The following STARD3NL variants were observed in gnomAD, a reference collection of about 807,000 sequenced individuals.
STARD3NL encodes the protein STARD3 N-terminal-like protein.
In STARD3NL, 17 loss-of-function variants were observed where a neutral mutation model predicts 30.9. That is an observed-to-expected ratio of 0.55 (90% CI 0.38 to 0.82). STARD3NL has a LOEUF of 0.82. Ranked by LOEUF, STARD3NL falls within the 40% of genes least tolerant of loss-of-function variation. The pLI is 0.00. For synonymous variants in STARD3NL, 112 were observed against 100.5 expected, an observed-to-expected ratio of 1.11 and a Z score of -0.69; for missense variants, 234 against 277.6, an observed-to-expected ratio of 0.84 and a Z score of 1.12.
At chr7:38,186,741 T>TG (rs1331588671) in intron 1 of STARD3NL, among the ~76,000 whole-genome samples, 6 of 152,206 alleles carry the variant, frequency 3.9e-5, no homozygotes, top group Non-Finnish European at 8.8e-5. Context: ...AGGTGTACAG[T>TG]GGGCTCTACC....
chr7:38,205,906 G>A (rs1051882879), intron 1 of STARD3NL, among the ~76,000 whole-genome samples: 2 of 152,100 alleles, frequency 1.3e-5, no homozygotes, highest in Non-Finnish European at 2.9e-5. Flanking sequence ...TTTTTGCTTT[G>A]AAGGTCTGTA....
intron 4 of STARD3NL, 78 bp from the exon 5 acceptor site, chr7:38,216,947 G>T: frequency 6.5e-7 from 1 of 1,546,504 alleles, no homozygotes; most frequent in South Asian, 1.1e-5. Flanking sequence ...TGGCTCAGAC[G>T]GGTCTCTTGT....
intron 1 of STARD3NL, among the ~76,000 whole-genome samples, chr7:38,190,152 A>G (rs955911147): frequency 2.0e-5 from 3 of 152,152 alleles, no homozygotes; most frequent in African/African-American, 7.2e-5. Context: ...TTATACAATA[A>G]TGGGCAGATA....
intron 1 of STARD3NL, among the ~76,000 whole-genome samples, chr7:38,204,598 A>G (rs1054008524): frequency 1.3e-5 from 2 of 152,224 alleles, no homozygotes; most frequent in Non-Finnish European, 2.9e-5. Context: ...GAGCAAACAC[A>G]TTCAAAAGCT....
rs1396506155 is a variant in STARD3NL at position 38,217,009 on chromosome 7, A to C, written c.382-16A>C. ...AGATGCCTAGTGTGAACAGTGCTGG[A>C]TTATGTGTCTTGCAGTTGACAACGG... On this transcript the variant is annotated splice_polypyrimidine_tract_variant and intron_variant, in intron 4 of 8. Transcript: ENST00000009041. 1 of 1,613,830 alleles carries C rather than the reference A, an allele frequency of 6.2e-7. No homozygotes were observed. Among genetic ancestry groups the C allele is most frequent in the Non-Finnish European group, 8.5e-7 (1 of 1,179,918 alleles).
intron 1 of STARD3NL, among the ~76,000 whole-genome samples, chr7:38,189,248 G>C (rs1289557040): frequency 6.6e-6 from 1 of 152,130 alleles, no homozygotes; most frequent in Non-Finnish European, 1.5e-5. Flanking sequence ...TGGAAAATAT[G>C]ATGCCTAGAA....
chr7:38,184,453 C>T lies in STARD3NL; in HGVS notation c.-59+6033C>T, dbSNP rs575149718. On this transcript the variant is annotated intron_variant, in intron 1 of 8. Coordinates refer to ENST00000009041, the MANE Select transcript of STARD3NL (RefSeq NM_032016.4). ...GGTGAGGCCTCAGGAGGCTTACAGTCATGGCAGAAAAAAAAGCTGGAGCAG... is the reference window on the plus strand; with the variant it reads ...GGTGAGGCCTCAGGAGGCTTACAGTTATGGCAGAAAAAAAAGCTGGAGCAG... Among the ~76,000 whole-genome samples the T allele has an allele frequency of 7.9e-5, 12 of 151,514 alleles. No individual in the cohort carries two copies. The South Asian group carries it at 2.1e-3, about 26-fold the overall frequency.
intron 6 of STARD3NL, among the ~76,000 whole-genome samples, chr7:38,218,041 T>G (rs1220004379): frequency 6.6e-6 from 1 of 152,172 alleles, no homozygotes; most frequent in Non-Finnish European, 1.5e-5. Context: ...TGATTAAGCT[T>G]TATGGTAAAT....
At chr7:38,193,158 T>C (rs1350936325) in intron 1 of STARD3NL, among the ~76,000 whole-genome samples, 1 of 152,182 alleles carries the variant, frequency 6.6e-6, no homozygotes, top group African/African-American at 2.4e-5. Context: ...CCAATCAAAA[T>C]GTACATAATT....
Position 38,224,912 on chromosome 7 carries a change from CAT to C in STARD3NL, c.650-3885_650-3884del, listed in dbSNP as rs938758788. ...ATAGGTATGTATGTATAAGAAAAAA[CAT>C]AATACTGATAGGATACAGTACTATC... is the stretch of plus-strand genomic sequence containing the variant. On this transcript the variant is annotated intron_variant, in intron 7 of 8. Coordinates refer to ENST00000009041, the MANE Select transcript of STARD3NL (RefSeq NM_032016.4). Among the ~76,000 whole-genome samples the C allele has an allele frequency of 1.1e-4, 17 of 152,202 alleles. No individual in the cohort carries two copies. The East Asian group carries it at 1.5e-3, about 14-fold the overall frequency.
At chr7:38,219,727 C>T in intron 7 of STARD3NL, 67 bp downstream of exon 7, 1 of 1,331,524 alleles carries the variant, frequency 7.5e-7, no homozygotes, top group Non-Finnish European at 1.1e-6. Context: ...CCTTCCTTTC[C>T]CTACCCCCTC....
At chr7:38,197,244 C>A (rs1356052373) in intron 1 of STARD3NL, among the ~76,000 whole-genome samples, 2 of 97,538 alleles carry the variant, frequency 2.1e-5, no homozygotes, top group Admixed American at 1.1e-4. Flanking sequence ...TTTTTTTTTT[C>A]TTTCAGGGCC....
intron 3 of STARD3NL, among the ~76,000 whole-genome samples, chr7:38,214,702 C>A (rs984580518): frequency 6.6e-6 from 1 of 152,168 alleles, no homozygotes; most frequent in Admixed American, 6.5e-5. Context: ...AGCCTTTATT[C>A]TTTCAAATGG....
At chr7:38,212,286 C>T (rs1291702576) in intron 2 of STARD3NL, among the ~76,000 whole-genome samples, 1 of 152,206 alleles carries the variant, frequency 6.6e-6, no homozygotes, top group Non-Finnish European at 1.5e-5. Context: ...CACTTGCCTT[C>T]TTCTGTTCTC....
intron 1 of STARD3NL, among the ~76,000 whole-genome samples, chr7:38,185,069 G>T (rs747659786): frequency 2.0e-5 from 3 of 151,842 alleles, no homozygotes; most frequent in Non-Finnish European, 4.4e-5. Flanking sequence ...GAATATTTTA[G>T]CCTGTAGTTG....
At chr7:38,218,242 T>C (rs1410635013) in intron 6 of STARD3NL, among the ~76,000 whole-genome samples, 1 of 152,170 alleles carries the variant, frequency 6.6e-6, no homozygotes. Context: ...AAGTATCTTA[T>C]AGAAAGTTAA....
At chr7:38,204,590 G>A (rs1008238918) in intron 1 of STARD3NL, among the ~76,000 whole-genome samples, 11 of 152,112 alleles carry the variant, frequency 7.2e-5, no homozygotes, top group African/African-American at 2.7e-4. Flanking sequence ...AGAAGCAAGA[G>A]CAAACACATT....
chr7:38,179,755 G>A (rs113165391), intron 1 of STARD3NL, among the ~76,000 whole-genome samples: 22 of 152,336 alleles, frequency 1.4e-4, no homozygotes, highest in African/African-American at 4.3e-4. Flanking sequence ...GAGTTTGAGA[G>A]TGACTGGGTT....
At chr7:38,197,133 C>CTT (rs201707451) in intron 1 of STARD3NL, among the ~76,000 whole-genome samples, 7 of 92,550 alleles carry the variant, frequency 7.6e-5, no homozygotes, top group African/African-American at 2.3e-4. Context: ...ATAGCATTAC[C>CTT]TTTTTTCTTT....
Sources: gnomAD v4.1 joint callset for allele counts (sites outside exome capture counted in the v4.1 genomes callset) on GRCh38, gnomAD v4.1.1 for gene constraint, MANE v1.5 for transcripts, NCBI Gene and HGNC (gene_info 2026-07-23, HGNC 2026-07-21) for gene names.